Variants in CEACAM21 observed in about 807,000 individuals in gnomAD.
CEACAM21 encodes the protein CEA cell adhesion molecule 21, also known as cell adhesion molecule CEACAM21.
CEACAM21 carries 38 observed loss-of-function variants against 33.2 expected under a neutral mutation model. The ratio of observed to expected loss-of-function variants is 1.14; its 90% confidence interval spans 0.88 to 1.50. The LOEUF (loss-of-function observed/expected upper bound fraction) is 1.50. Ranked by LOEUF, CEACAM21 falls within the 40% of genes most tolerant of loss-of-function variation. The probability of loss-of-function intolerance (pLI) is 0.00; values close to 1 mark genes in which losing one functional copy is unlikely to be tolerated. For synonymous variants in CEACAM21, 156 were observed against 143.0 expected (o/e 1.09, Z -0.65); for missense variants, 385 against 364.6 (o/e 1.06, Z -0.46).
chr19:41,560,962 G>A (rs1004337662), intron 1 of CEACAM21, among the ~76,000 whole-genome samples: 9 of 152,082 alleles, frequency 5.9e-5, no homozygotes, highest in Non-Finnish European at 1.2e-4. Context: ...ATATTGCCTT[G>A]CAGCAAGACA....
chr19:41,577,647 C>T, intron 2 of CEACAM21, 88 bp downstream of exon 2: 1 of 1,569,682 alleles, frequency 6.4e-7, no homozygotes, highest in Non-Finnish European at 8.6e-7. Flanking sequence ...TGCCTGCATC[C>T]CCCTCTGCAT....
chr19:41,553,625 G>T (rs2041356097), intron 1 of CEACAM21: 1 of 152,046 alleles, frequency 6.6e-6, no homozygotes, highest in East Asian at 1.9e-4. Flanking sequence ...ATATGGTTGG[G>T]TGAATTCCTG....
rs1555791691 is a variant in CEACAM21, at chr19:41,577,442, C to A, written c.307C>A (p.Pro103Thr). Residue 103 changes from proline to threonine, a missense_variant, in exon 2 of 7, where the codon CCC (proline) becomes ACC (threonine). By Grantham distance (38) the Pro-to-Thr change is conservative. Coordinates refer to ENST00000401445, the MANE Select transcript of CEACAM21 (RefSeq NM_001098506.4). ...ATACAGCGGTCGAGAGACAATATCA[C>A]CCAGTGGAGATCTGCATTTCCAGAA... ...PAYSGRETIS[P>T]SGDLHFQNVT... 1.2e-6 allele frequency: 2 copies of A among 1,614,048 alleles called. No homozygotes were observed. The highest frequency in any genetic ancestry group is 1.7e-6 in the Non-Finnish European group (2 of 1,180,044).
chr19:41,585,392 A>G (rs376702752), intron 4 of CEACAM21, 51 bp from the exon 5 acceptor site: 26 of 1,599,798 alleles, frequency 1.6e-5, no homozygotes, highest in African/African-American at 1.1e-4. Flanking sequence ...TTTAACTCCA[A>G]TTTGTGACTT....
intron 3 of CEACAM21, among the ~76,000 whole-genome samples, chr19:41,583,405 G>A (rs151126658): frequency 6.6e-6 from 1 of 152,232 alleles, no homozygotes; most frequent in East Asian, 1.9e-4. Flanking sequence ...ACCTCTGCCT[G>A]TTACCCAGTT....
rs781819746 is a variant in CEACAM21, at chr19:41,577,351, G to A, written c.216G>A (p.Thr72=). 13 of 1,613,982 alleles carry A rather than the reference G, an allele frequency of 8.1e-6. No individual in the cohort carries two copies. Among genetic ancestry groups the A allele is most frequent in the East Asian group, 2.2e-5 (1 of 44,816 alleles). Residue 72 remains threonine (T), a synonymous_variant, in exon 2 of 7, where the codon ACG becomes ACA. Coordinates refer to ENST00000401445, the MANE Select transcript of CEACAM21 (RefSeq NM_001098506.4). ...GCTATGGCTGGTACAAAGGGAAAAC[G>A]GTGGAGCCCAACCAGCTAATCGCAG... The part of the protein sequence containing the change: ...LYSYGWYKGK[T]VEPNQLIAAY...
At chr19:41,560,296 C>T (rs964374516) in intron 1 of CEACAM21, among the ~76,000 whole-genome samples, 3 of 151,952 alleles carry the variant, frequency 2.0e-5, no homozygotes, top group African/African-American at 4.8e-5. Context: ...AATCATAGTT[C>T]GCTGCAGCCT....
Position 41,585,824 on chromosome 19 carries a change from T to A in CEACAM21, c.851-16T>A. The A allele has an allele frequency of 6.2e-7, 1 of 1,611,814 alleles. No homozygotes were observed. Among genetic ancestry groups the A allele is most frequent in the Non-Finnish European group, 8.5e-7 (1 of 1,178,988 alleles). On this transcript the variant is annotated splice_polypyrimidine_tract_variant and intron_variant, in intron 5 of 6. Coordinates refer to ENST00000401445, the MANE Select transcript of CEACAM21 (RefSeq NM_001098506.4). ...TATCCTAACACTCTCGTGCTCACTTTTGTCTCTGTCCCCAGGCCATGGACC... is the reference window on the plus strand; with the variant it reads ...TATCCTAACACTCTCGTGCTCACTTATGTCTCTGTCCCCAGGCCATGGACC...
chr19:41,572,581 T>A (rs113435915), upstream of CEACAM21, among the ~76,000 whole-genome samples: 4,754 of 152,210 alleles, frequency 0.031, 249 homozygotes, highest in African/African-American at 0.11. Flanking sequence ...AAATATTGAG[T>A]GCTTGGTGAG....
At chr19:41,584,529 C>A in intron 4 of CEACAM21, 86 bp downstream of exon 4, 1 of 1,224,724 alleles carries the variant, frequency 8.2e-7, no homozygotes. Flanking sequence ...TATTCAGTGC[C>A]AGGCTCTCCC....
intron 1 of CEACAM21, among the ~76,000 whole-genome samples, chr19:41,561,843 C>G (rs2041901618): frequency 6.6e-6 from 1 of 152,134 alleles, no homozygotes. Context: ...AGAAATTGGT[C>G]AGTCTACACA....
At chr19:41,585,783 G>A in intron 5 of CEACAM21, 57 bp from the exon 6 acceptor site, 1 of 1,569,428 alleles carries the variant, frequency 6.4e-7, no homozygotes, top group South Asian at 1.1e-5. Flanking sequence ...ACACACTCTT[G>A]CAGGAGGGGC....
intron 1 of CEACAM21, among the ~76,000 whole-genome samples, chr19:41,556,000 A>C (rs1180282329): frequency 2.0e-5 from 3 of 152,222 alleles, no homozygotes; most frequent in African/African-American, 7.2e-5. Context: ...AGCCAAGATG[A>C]AATAAAAGAG....
upstream of CEACAM21, among the ~76,000 whole-genome samples, chr19:41,571,661 T>C (rs1024291263): frequency 4.9e-4 from 74 of 152,378 alleles, no homozygotes; most frequent in African/African-American, 1.6e-3. Flanking sequence ...TTTGTATTAT[T>C]CTTTAAATAA....
At chr19:41,577,697 C>A in intron 2 of CEACAM21, 138 bp downstream of exon 2, 1 of 1,239,234 alleles carries the variant, frequency 8.1e-7, no homozygotes. Context: ...GTGCAGGACA[C>A]ACCCAGGGGA....
Position 41,576,301 on chromosome 19 carries a change from CA to C in CEACAM21, c.28del (p.Arg10GlufsTer16). The C allele has an allele frequency of 1.2e-6, 2 of 1,613,242 alleles. No individual in the cohort carries two copies. The highest frequency in any genetic ancestry group is 1.7e-6 in the Non-Finnish European group (2 of 1,179,496). ...TGGGGCCCCCCTCAGCTTGTCCCCA[CA>C]GAGAATGCATCCCCTGGCAGGGGCT... MGPPSACPH[R>X]ECIPWQGLLL... On this transcript the variant is annotated frameshift_variant, in exon 1 of 7. Coordinates refer to ENST00000401445, the MANE Select transcript of CEACAM21 (RefSeq NM_001098506.4). LOFTEE classifies it high-confidence loss of function.
intron 1 of CEACAM21, among the ~76,000 whole-genome samples, chr19:41,558,037 T>A (rs932963493): frequency 2.6e-5 from 4 of 152,200 alleles, no homozygotes; most frequent in Non-Finnish European, 5.9e-5. Context: ...CTTACTTCCA[T>A]GAAATGGGGC....
At chr19:41,577,664 C>T (rs970512218) in intron 2 of CEACAM21, 105 bp downstream of exon 2, 2 of 1,532,746 alleles carry the variant, frequency 1.3e-6, no homozygotes, top group African/African-American at 1.4e-5. Flanking sequence ...GCATTACGTC[C>T]CATGTTGGGG....
chr19:41,578,111 G>A (rs1453740249), intron 2 of CEACAM21, among the ~76,000 whole-genome samples: 1 of 152,176 alleles, frequency 6.6e-6, no homozygotes, highest in Non-Finnish European at 1.5e-5. Context: ...CCCCATCTGG[G>A]CAAGGGCAGA....
Sources: allele counts gnomAD v4.1 joint callset (sites outside exome capture counted in the v4.1 genomes callset), GRCh38; gene constraint gnomAD v4.1.1; transcripts MANE v1.5; gene names NCBI Gene and HGNC (gene_info 2026-07-23, HGNC 2026-07-21).